NKAIN3: variants seen among roughly 807,000 people sequenced by gnomAD.
The protein encoded by NKAIN3 is sodium/potassium-transporting ATPase subunit beta-1-interacting protein 3.
Under a neutral mutation model 30.2 loss-of-function variants are expected in NKAIN3, and 25 were observed. The ratio of observed to expected loss-of-function variants is 0.83; its 90% CI spans 0.60 to 1.16. NKAIN3 has a LOEUF of 1.16. Ranked by LOEUF, NKAIN3 falls within the 50% of genes most tolerant of loss-of-function variation. The pLI, the probability that NKAIN3 is intolerant of heterozygous loss-of-function variation, is 0.00. For synonymous variants in NKAIN3, 91 were observed against 89.6 expected (o/e 1.02, Z -0.09); for missense variants, 225 against 254.1 (o/e 0.89, Z 0.78).
At chr8:62,342,905 T>C (rs758042491) in intron 1 of NKAIN3, among the ~76,000 whole-genome samples, 1 of 152,036 alleles carries the variant, frequency 6.6e-6, no homozygotes, top group Non-Finnish European at 1.5e-5. Flanking sequence ...TTAATATAAC[T>C]ATCAATGTGC....
rs1419625467 is a variant in NKAIN3 at position 62,369,146 on chromosome 8, T to G, written c.54+120019T>G. Among the ~76,000 whole-genome samples, 3 of 152,128 alleles carry G rather than the reference T, an allele frequency of 2.0e-5. No homozygotes were observed. The East Asian group carries it at 5.8e-4, about 29-fold the overall frequency. ...GTTCTTTTTAACTTTATTCAAGATCTGATTTGGCTATAAATAAGGCTGCCC... is the reference window on the plus strand; with the variant it reads ...GTTCTTTTTAACTTTATTCAAGATCGGATTTGGCTATAAATAAGGCTGCCC... On this transcript the variant is annotated intron_variant, in intron 1 of 6. Transcript: ENST00000623646.
At chr8:62,809,020 T>C (rs1563572906) in intron 4 of NKAIN3, among the ~76,000 whole-genome samples, 1 of 152,154 alleles carries the variant, frequency 6.6e-6, no homozygotes, top group Non-Finnish European at 1.5e-5. Flanking sequence ...TGGGAATGCA[T>C]TCTCTTTCTC....
At chr8:62,605,809 G>T (rs977046042) in intron 3 of NKAIN3, among the ~76,000 whole-genome samples, 2 of 151,904 alleles carry the variant, frequency 1.3e-5, no homozygotes, top group African/African-American at 4.8e-5. Flanking sequence ...TGTCTGCAGG[G>T]GGCCTGGAAT....
intron 1 of NKAIN3, among the ~76,000 whole-genome samples, chr8:62,573,506 C>A (rs368938989): frequency 6.7e-6 from 1 of 150,370 alleles, no homozygotes; most frequent in Admixed American, 6.7e-5. Context: ...TTCTTACTTC[C>A]CTCCTCTCCT....
chr8:62,780,461 A>G (rs184156936), intron 4 of NKAIN3, among the ~76,000 whole-genome samples: 1 of 152,216 alleles, frequency 6.6e-6, no homozygotes, highest in African/African-American at 2.4e-5. Flanking sequence ...CCTAATACCA[A>G]ACCCAGACAA....
intron 1 of NKAIN3, among the ~76,000 whole-genome samples, chr8:62,534,407 A>G (rs929690926): frequency 2.6e-5 from 4 of 152,290 alleles, no homozygotes; most frequent in East Asian, 3.9e-4. Context: ...CAGTGCTGAT[A>G]TTGCCGAACC....
chr8:62,706,530 C>T (rs1264908680), intron 3 of NKAIN3, among the ~76,000 whole-genome samples: 1 of 152,010 alleles, frequency 6.6e-6, no homozygotes, highest in East Asian at 1.9e-4. Flanking sequence ...TTTATAGTTT[C>T]CGAAACTGTG....
chr8:62,310,926 T>A (rs775410374), intron 1 of NKAIN3, among the ~76,000 whole-genome samples: 2 of 150,190 alleles, frequency 1.3e-5, no homozygotes, highest in African/African-American at 2.5e-5. Flanking sequence ...GAACCTCAGG[T>A]TTCAATCCAG....
At chr8:62,994,273 T>G (rs990884515) in intron 5 of NKAIN3, among the ~76,000 whole-genome samples, 1 of 152,226 alleles carries the variant, frequency 6.6e-6, no homozygotes, top group African/African-American at 2.4e-5. Context: ...TGGGTCGTTA[T>G]GCAGCTATCA....
intron 1 of NKAIN3, among the ~76,000 whole-genome samples, chr8:62,493,200 A>G (rs1423922986): frequency 1.3e-5 from 2 of 151,978 alleles, no homozygotes; most frequent in Non-Finnish European, 2.9e-5. Context: ...TAAGTCTTTT[A>G]TCTACCTTGA....
At chr8:62,639,547 T>A (rs963588608) in intron 3 of NKAIN3, among the ~76,000 whole-genome samples, 1 of 151,868 alleles carries the variant, frequency 6.6e-6, no homozygotes, top group South Asian at 2.1e-4. Context: ...TTACACGGAG[T>A]TTTTGGTTTC....
At chr8:62,541,377 A>C (rs1360052159) in intron 1 of NKAIN3, among the ~76,000 whole-genome samples, 1 of 152,140 alleles carries the variant, frequency 6.6e-6, no homozygotes, top group Non-Finnish European at 1.5e-5. Context: ...GTCCAATGCT[A>C]TTCTGATTTC....
chr8:62,811,220 G>A (rs1370627349), intron 4 of NKAIN3, among the ~76,000 whole-genome samples: 1 of 152,020 alleles, frequency 6.6e-6, no homozygotes, highest in East Asian at 1.9e-4. Flanking sequence ...TACTGTACTG[G>A]TAGTATTCCT....
chr8:62,845,281 T>C (rs527675384), intron 4 of NKAIN3, among the ~76,000 whole-genome samples: 1 of 29,006 alleles, frequency 3.4e-5, no homozygotes, highest in East Asian at 7.8e-4. Flanking sequence ...TGCTGGATAG[T>C]AGATTATATA....
In NKAIN3 at chr8:62,800,707, C is replaced by T. The variant is rs1818027632; in HGVS notation, c.471+53578C>T. 2.0e-5 allele frequency among the ~76,000 whole-genome samples: 3 copies of T among 152,312 alleles called. No homozygotes were observed. In the South Asian group the frequency reaches 6.2e-4, roughly 32 times the overall value. ...GAGTGACGCAGAAGACGGGTGATTTCTGCATTTCCATCTGAGGTACCGGGT... is the reference window on the plus strand; with the variant it reads ...GAGTGACGCAGAAGACGGGTGATTTTTGCATTTCCATCTGAGGTACCGGGT... On this transcript the variant is annotated intron_variant, in intron 4 of 6. Coordinates refer to ENST00000623646, the MANE Select transcript of NKAIN3 (RefSeq NM_001304533.3).
At chr8:62,263,496 G>T (rs374784986) in intron 1 of NKAIN3, among the ~76,000 whole-genome samples, 1 of 152,076 alleles carries the variant, frequency 6.6e-6, no homozygotes, top group African/African-American at 2.4e-5. Flanking sequence ...TCAGCTGCTC[G>T]GCAGCCAAGC....
intron 4 of NKAIN3, among the ~76,000 whole-genome samples, chr8:62,803,675 A>G (rs1818158370): frequency 6.6e-6 from 1 of 152,224 alleles, no homozygotes; most frequent in African/African-American, 2.4e-5. Context: ...AAGATCCAAA[A>G]TTGACACCCT....
At chr8:62,490,532 A>G (rs1807034226) in intron 1 of NKAIN3, among the ~76,000 whole-genome samples, 1 of 152,138 alleles carries the variant, frequency 6.6e-6, no homozygotes, top group Non-Finnish European at 1.5e-5. Flanking sequence ...GAACTCAAGG[A>G]CTCTGGTTAA....
chr8:62,924,582 C>A (rs2130864353), intron 5 of NKAIN3, among the ~76,000 whole-genome samples: 1 of 152,280 alleles, frequency 6.6e-6, no homozygotes, highest in Admixed American at 6.5e-5. Flanking sequence ...TAAATGACAG[C>A]TCTTCACATC....
Sources: allele counts gnomAD v4.1 joint callset (sites outside exome capture counted in the v4.1 genomes callset), GRCh38; gene constraint gnomAD v4.1.1; transcripts MANE v1.5; gene names NCBI Gene and HGNC (gene_info 2026-07-23, HGNC 2026-07-21).